CNTN3: variants seen among roughly 807,000 people sequenced by gnomAD.
The protein encoded by CNTN3 is contactin 3, also known as contactin-3.
In CNTN3, 60 loss-of-function variants were observed where a neutral mutation model predicts 119.1. The observed-to-expected ratio is 0.50, with a 90% CI of 0.41 to 0.62. CNTN3 has a LOEUF of 0.62. CNTN3 is among the 20% of genes least tolerant of loss of function. The pLI, the probability that CNTN3 is intolerant of heterozygous loss-of-function variation, is 0.00. For synonymous variants in CNTN3, 450 were observed against 438.7 expected, an observed-to-expected ratio of 1.03 and a Z score of -0.32; for missense variants, 1,101 against 1,242.4, an observed-to-expected ratio of 0.89 and a Z score of 1.71.
intron 20 of CNTN3, among the ~76,000 whole-genome samples, chr3:74,270,642 G>C (rs1301304599): frequency 6.6e-6 from 1 of 152,160 alleles, no homozygotes; most frequent in Non-Finnish European, 1.5e-5. Flanking sequence ...AGTGAATTAG[G>C]AATGAGCAGG....
chr3:74,347,074 G>GT (rs1218504089), intron 11 of CNTN3, among the ~76,000 whole-genome samples: 1 of 152,152 alleles, frequency 6.6e-6, no homozygotes, highest in African/African-American at 2.4e-5. Context: ...ACAAGTATGA[G>GT]TAAGAATTAT....
At chr3:74,533,920 T>C (rs1703727249) in intron 1 of CNTN3, among the ~76,000 whole-genome samples, 1 of 152,000 alleles carries the variant, frequency 6.6e-6, no homozygotes, top group South Asian at 2.1e-4. Context: ...TAGGGTTTAG[T>C]GATACCACTA....
intron 11 of CNTN3, among the ~76,000 whole-genome samples, chr3:74,360,044 T>C (rs1391063165): frequency 6.6e-6 from 1 of 152,204 alleles, no homozygotes; most frequent in Non-Finnish European, 1.5e-5. Context: ...ACCACTCAAT[T>C]CACAATTTTA....
At chr3:74,490,847 G>T (rs1306321576) in intron 3 of CNTN3, among the ~76,000 whole-genome samples, 3 of 152,092 alleles carry the variant, frequency 2.0e-5, no homozygotes, top group Non-Finnish European at 4.4e-5. Flanking sequence ...AAACTCTTTA[G>T]AGCTAAAATA....
At chr3:74,541,563 T>C (rs1703843629) in intron 1 of CNTN3, among the ~76,000 whole-genome samples, 1 of 151,952 alleles carries the variant, frequency 6.6e-6, no homozygotes. Context: ...GAATACATAG[T>C]AAAACTAAAG....
In CNTN3 at chr3:74,573,808, G is replaced by C. The variant is rs74759045; in HGVS notation, c.-81+40583C>G. On this transcript the variant is annotated intron_variant, in intron 1 of 22. Coordinates refer to ENST00000263665, the MANE Select transcript of CNTN3 (RefSeq NM_020872.3). The stretch of plus-strand genomic sequence containing the variant: ...AGGAAAATAACAAGTTGGTAAGAAG[G>C]CGGAGAAATTGGAACACTCCAATAT... 2.8e-4 allele frequency among the ~76,000 whole-genome samples: 42 copies of C among 151,600 alleles called. No homozygotes were observed. In the East Asian group the frequency reaches 8.0e-3, roughly 29 times the overall value.
intron 2 of CNTN3, among the ~76,000 whole-genome samples, chr3:74,507,626 CTT>C (rs59540461): frequency 0.04 from 4,106 of 103,608 alleles, 65 homozygotes; most frequent in East Asian, 0.087. Context: ...TTCTTTCTTT[CTT>C]TTTTTTTTTT....
At chr3:74,492,761 ATG>A (rs906151104) in intron 3 of CNTN3, among the ~76,000 whole-genome samples, 35 of 151,460 alleles carry the variant, frequency 2.3e-4, no homozygotes, top group Non-Finnish European at 4.0e-4. Context: ...AAGAAAACGA[ATG>A]TGTGTGTGTG....
At chr3:74,572,911 T>C (rs980493878) in intron 1 of CNTN3, among the ~76,000 whole-genome samples, 1 of 152,202 alleles carries the variant, frequency 6.6e-6, no homozygotes, top group African/African-American at 2.4e-5. Flanking sequence ...CTTCATCTGC[T>C]GTTCATGGAG....
At chr3:74,342,111 T>C (rs942873895) in intron 11 of CNTN3, among the ~76,000 whole-genome samples, 5 of 152,072 alleles carry the variant, frequency 3.3e-5, no homozygotes, top group Non-Finnish European at 7.4e-5. Flanking sequence ...ATGCATATAT[T>C]ACAGGATAAA....
At chr3:74,328,094 AGTGT>A (rs1272564074) in intron 13 of CNTN3, among the ~76,000 whole-genome samples, 1 of 151,846 alleles carries the variant, frequency 6.6e-6, no homozygotes, top group African/African-American at 2.4e-5. Context: ...AATAAAAAGG[AGTGT>A]GTATTTTTTA....
intron 1 of CNTN3, among the ~76,000 whole-genome samples, chr3:74,556,438 T>C (rs970941249): frequency 6.6e-5 from 10 of 152,212 alleles, no homozygotes; most frequent in African/African-American, 9.6e-5. Context: ...TCACTTAGCA[T>C]AGTATTTTCA....
chr3:74,285,823 ATATATATATATATAT>A (rs1702104693), intron 19 of CNTN3, among the ~76,000 whole-genome samples: 2 of 133,096 alleles, frequency 1.5e-5, no homozygotes, highest in African/African-American at 5.5e-5. Flanking sequence ...ATATATATAT[ATATATATATATATAT>A]AAAATTAAAA....
Position 74,264,358 on chromosome 3 carries a change from G to T in CNTN3, c.*43C>A. ...GCATTTCATGAAAGCACTTTTTTTG[G>T]TAACCAAATAACTTTCCAATAAATA... On this transcript the variant is annotated 3_prime_UTR_variant, in exon 23 of 23. Transcript: ENST00000263665. 2.6e-6 allele frequency: 3 copies of T among 1,161,296 alleles called. No individual in the cohort carries two copies. Among genetic ancestry groups the T allele is most frequent in the South Asian group, 2.3e-5 (1 of 42,950 alleles). The allele number at this position is 1,161,296 out of a possible 1,614,324, so 71.9% of individuals were successfully genotyped here.
At chr3:74,479,980 T>C (rs1280424716) in intron 4 of CNTN3, among the ~76,000 whole-genome samples, 1 of 151,600 alleles carries the variant, frequency 6.6e-6, no homozygotes, top group Non-Finnish European at 1.5e-5. Flanking sequence ...AAAAGAAAAA[T>C]CATGCATGAA....
intron 2 of CNTN3, among the ~76,000 whole-genome samples, chr3:74,517,587 G>A (rs1703471916): frequency 6.6e-6 from 1 of 151,834 alleles, no homozygotes; most frequent in Admixed American, 6.6e-5. Context: ...CTACATTCCA[G>A]TAATTCAAGG....
intron 5 of CNTN3, among the ~76,000 whole-genome samples, chr3:74,392,420 T>C (rs1704936295): frequency 6.6e-6 from 1 of 152,010 alleles, no homozygotes; most frequent in Admixed American, 6.5e-5. Context: ...CTTCTTTTTC[T>C]TTCTTCCTTC....
At chr3:74,279,128 C>T (rs143127159) in intron 20 of CNTN3, among the ~76,000 whole-genome samples, 17 of 152,054 alleles carry the variant, frequency 1.1e-4, no homozygotes, top group East Asian at 7.7e-4. Flanking sequence ...GGTGTGGATG[C>T]GGTGATCAGG....
At chr3:74,507,343 AGG>A (rs1465799415) in intron 2 of CNTN3, among the ~76,000 whole-genome samples, 1 of 151,426 alleles carries the variant, frequency 6.6e-6, no homozygotes, top group Non-Finnish European at 1.5e-5. Context: ...ACTTGGGCCC[AGG>A]AGTTTGCAAC....
Sources: allele counts gnomAD v4.1 joint callset (sites outside exome capture counted in the v4.1 genomes callset), GRCh38; gene constraint gnomAD v4.1.1; transcripts MANE v1.5; gene names NCBI Gene and HGNC (gene_info 2026-07-23, HGNC 2026-07-21).